GRM5: variants seen among roughly 807,000 people sequenced by gnomAD.
GRM5 encodes metabotropic glutamate receptor 5.
Under a neutral mutation model 83.1 loss-of-function variants are expected in GRM5, and 19 were observed. The ratio of observed to expected loss-of-function variants is 0.23; its 90% CI spans 0.16 to 0.34. The LOEUF (loss-of-function observed/expected upper bound fraction) is 0.34. Ranked by LOEUF, GRM5 falls within the 10% of genes least tolerant of loss-of-function variation. The probability of loss-of-function intolerance (pLI) is 1.00; values close to 1 mark genes in which losing one functional copy is unlikely to be tolerated. For missense variants in GRM5, 1,160 were observed against 1,588.3 expected (o/e 0.73, Z 4.58); for synonymous variants, 675 against 633.6 (o/e 1.07, Z -0.98).
chr11:88,926,469 G>A (rs1488080656), intron 2 of GRM5, among the ~76,000 whole-genome samples: 1 of 152,060 alleles, frequency 6.6e-6, no homozygotes, highest in Non-Finnish European at 1.5e-5. Flanking sequence ...CAAAACTTAC[G>A]TATATATCTA....
intron 7 of GRM5, among the ~76,000 whole-genome samples, chr11:88,571,682 T>C (rs949848686): frequency 3.9e-5 from 6 of 152,206 alleles, no homozygotes; most frequent in African/African-American, 1.4e-4. Context: ...AATTTAACCT[T>C]AGAGATTATC....
At chr11:89,021,446 G>C (rs906747453) in intron 2 of GRM5, among the ~76,000 whole-genome samples, 1 of 152,070 alleles carries the variant, frequency 6.6e-6, no homozygotes, top group Non-Finnish European at 1.5e-5. Context: ...GTTTCCAAAA[G>C]CTGGGGCTGT....
intron 8 of GRM5, among the ~76,000 whole-genome samples, chr11:88,537,972 G>T (rs1565329500): frequency 6.6e-6 from 1 of 151,756 alleles, no homozygotes. Context: ...TGCAAATAAG[G>T]AATTAAAAAG....
At chr11:88,750,259 T>A (rs567816279) in intron 3 of GRM5, among the ~76,000 whole-genome samples, 5 of 151,492 alleles carry the variant, frequency 3.3e-5, no homozygotes, top group Non-Finnish European at 7.4e-5. Context: ...AGCAAGAAAA[T>A]AGAAAACAGA....
intron 2 of GRM5, among the ~76,000 whole-genome samples, chr11:88,977,967 C>T (rs1939394560): frequency 2.0e-5 from 3 of 152,162 alleles, no homozygotes; most frequent in African/African-American, 7.2e-5. Context: ...TTTTATTACC[C>T]TTTCATTCAG....
intron 1 of GRM5, among the ~76,000 whole-genome samples, chr11:89,050,875 G>C (rs983258983): frequency 2.0e-5 from 3 of 152,042 alleles, no homozygotes; most frequent in African/African-American, 7.3e-5. Context: ...AATACTGCAG[G>C]TTCTCACATG....
chr11:89,045,604 T>A (rs917991561), intron 2 of GRM5, among the ~76,000 whole-genome samples: 1 of 152,146 alleles, frequency 6.6e-6, no homozygotes, highest in Non-Finnish European at 1.5e-5. Context: ...TATTAGATTG[T>A]TATTGGGGTA....
intron 2 of GRM5, among the ~76,000 whole-genome samples, chr11:88,986,651 G>C (rs987088906): frequency 1.3e-5 from 2 of 149,180 alleles, no homozygotes; most frequent in Non-Finnish European, 3.0e-5. Context: ...GCCATAGGTT[G>C]CCTTTTTATT....
intron 2 of GRM5, among the ~76,000 whole-genome samples, chr11:88,956,870 T>C (rs1242823688): frequency 6.6e-6 from 1 of 152,188 alleles, no homozygotes; most frequent in Non-Finnish European, 1.5e-5. Flanking sequence ...CTTGATCAAC[T>C]AATCTGAGCC....
intron 8 of GRM5, among the ~76,000 whole-genome samples, chr11:88,550,924 C>T (rs1198887315): frequency 2.0e-5 from 3 of 152,114 alleles, no homozygotes; most frequent in African/African-American, 4.8e-5. Context: ...CAATCCTTTC[C>T]AGCTGTTTGT....
At chr11:88,514,202 G>A (rs1370302628) in intron 9 of GRM5, among the ~76,000 whole-genome samples, 1 of 152,080 alleles carries the variant, frequency 6.6e-6, no homozygotes, top group African/African-American at 2.4e-5. Flanking sequence ...GCCATCTAAT[G>A]TTCTCTCTGT....
intron 2 of GRM5, among the ~76,000 whole-genome samples, chr11:88,939,419 A>G (rs1590980540): frequency 6.6e-6 from 1 of 151,996 alleles, no homozygotes; most frequent in East Asian, 1.9e-4. Context: ...CCTGAAGATA[A>G]CAGTAGAGAA....
At chr11:88,907,333 G>A (rs182781575) in intron 2 of GRM5, among the ~76,000 whole-genome samples, 1 of 152,242 alleles carries the variant, frequency 6.6e-6, no homozygotes, top group Admixed American at 6.5e-5. Context: ...AGGGACCACA[G>A]GAGTCTCCTC....
At chr11:88,702,493 A>G (rs1192769370) in intron 3 of GRM5, among the ~76,000 whole-genome samples, 3 of 151,970 alleles carry the variant, frequency 2.0e-5, no homozygotes, top group Non-Finnish European at 4.4e-5. Context: ...AAATTCAGCT[A>G]CTCCTAAATG....
chr11:88,615,497 G>C (rs1938451442), intron 4 of GRM5, among the ~76,000 whole-genome samples: 1 of 152,038 alleles, frequency 6.6e-6, no homozygotes, highest in African/African-American at 2.4e-5. Flanking sequence ...TCCTCCACCA[G>C]AGAAGGAAGC....
intron 9 of GRM5, among the ~76,000 whole-genome samples, chr11:88,524,510 G>T (rs1208174490): frequency 1.3e-5 from 2 of 150,850 alleles, no homozygotes; most frequent in Non-Finnish European, 3.0e-5. Flanking sequence ...GAGCCAATGC[G>T]CCCGGCCCCA....
intron 3 of GRM5, among the ~76,000 whole-genome samples, chr11:88,720,922 C>A (rs763606186): frequency 1.6e-4 from 24 of 151,670 alleles, no homozygotes; most frequent in Non-Finnish European, 2.8e-4. Context: ...TTCACAATAT[C>A]TCAGATGTGT....
At chr11:88,862,845 A>G (rs1028048546) in intron 2 of GRM5, among the ~76,000 whole-genome samples, 1 of 152,168 alleles carries the variant, frequency 6.6e-6, no homozygotes, top group African/African-American at 2.4e-5. Context: ...AGAATAGGGA[A>G]AAATGTTTAC....
chr11:88,703,689 T>C (rs549184624), intron 3 of GRM5, among the ~76,000 whole-genome samples: 85 of 152,164 alleles, frequency 5.6e-4, no homozygotes, highest in African/African-American at 1.9e-3. Context: ...CAACTCCTAA[T>C]TGTGTGGTTT....
Sources: allele counts gnomAD v4.1 joint callset (sites outside exome capture counted in the v4.1 genomes callset), GRCh38; gene constraint gnomAD v4.1.1; transcripts MANE v1.5; gene names NCBI Gene and HGNC (gene_info 2026-07-23, HGNC 2026-07-21).